Variants in MATN2 observed in about 807,000 individuals in gnomAD.
The protein encoded by MATN2 is matrilin-2.
In MATN2, 69 loss-of-function variants were observed where a neutral mutation model predicts 103.2. The ratio of observed to expected loss-of-function variants is 0.67; its 90% CI spans 0.55 to 0.82. The LOEUF is 0.82. Ranked by LOEUF, MATN2 falls within the 40% of genes least tolerant of loss-of-function variation. MATN2 has a pLI of 0.00. For synonymous variants in MATN2, 429 were observed against 450.2 expected (o/e 0.95, Z 0.60); for missense variants, 1,023 against 1,211.5 (o/e 0.84, Z 2.31).
rs565656768 is a variant in MATN2 at position 98,016,245 on chromosome 8, C to T, written c.1574-295C>T. On this transcript the variant is annotated intron_variant, in intron 10 of 18. Transcript: ENST00000254898. ...AAAATTAGCCTGGTGTGGTGGTGCA[C>T]GCTTGTAGTCCCAGCTATCTGGGAG... Among the ~76,000 whole-genome samples the T allele has an allele frequency of 3.3e-5, 5 of 152,144 alleles. No individual in the cohort carries two copies. The East Asian group carries it at 5.8e-4, about 18-fold the overall frequency.
rs185121226 is a variant in MATN2 at position 97,940,132 on chromosome 8, A to C, written c.713-1645A>C. On this transcript the variant is annotated intron_variant, in intron 3 of 18. Coordinates refer to ENST00000254898, the MANE Select transcript of MATN2 (RefSeq NM_002380.5). ...TGCTATTTTTATTCTCATGTCTTAT[A>C]AAGAAGTTAAGAAAATTGCACAAAG... Among the ~76,000 whole-genome samples, 17 of 152,282 alleles carry C rather than the reference A, an allele frequency of 1.1e-4. No individual in the cohort carries two copies. In the East Asian group the frequency reaches 3.3e-3, roughly 29 times the overall value.
At chr8:98,026,717 C>T (rs1340563764) in intron 13 of MATN2, among the ~76,000 whole-genome samples, 2 of 152,128 alleles carry the variant, frequency 1.3e-5, no homozygotes, top group Non-Finnish European at 2.9e-5. Flanking sequence ...AACACAGTCC[C>T]TGCTGAGGAG....
chr8:98,029,038 T>A (rs1813913745), intron 14 of MATN2, among the ~76,000 whole-genome samples: 1 of 152,254 alleles, frequency 6.6e-6, no homozygotes, highest in Non-Finnish European at 1.5e-5. Context: ...GTGTGACAAC[T>A]ACTTGCTGAG....
rs868438483 is a variant in MATN2 at position 97,994,562 on chromosome 8, G to C, written c.1164G>C (p.Leu388=). The C allele has an allele frequency of 6.2e-7, 1 of 1,613,734 alleles. No homozygotes were observed. Among genetic ancestry groups the C allele is most frequent in the Middle Eastern group, 1.7e-4 (1 of 6,060 alleles). Residue 388 remains leucine (L), a synonymous_variant, in exon 7 of 19, where the codon CTG becomes CTC. Coordinates refer to ENST00000254898, the MANE Select transcript of MATN2 (RefSeq NM_002380.5). ...NTDDSYSCHC[L]KGFTLNPDKK... is the part of the protein sequence containing the mutation. ...ATGATTCCTATTCCTGCCACTGCCT[G>C]AAAGGCTTTACCCTGAATCCAGATA...
chr8:97,925,230 A>G (rs1032323031), intron 2 of MATN2, among the ~76,000 whole-genome samples: 1 of 152,204 alleles, frequency 6.6e-6, no homozygotes, highest in Non-Finnish European at 1.5e-5. Context: ...TAGTGTATGA[A>G]TGGTTGAAGT....
Position 97,981,381 on chromosome 8 carries a change from G to A in MATN2, c.1081+2373G>A, listed in dbSNP as rs370375945. Reference sequence around the variant, plus strand: ...AGCCTCCCAAAGTGCTGGAATTATGGTCATCATGAGCCACCACACCTGGCC... The same window carrying A: ...AGCCTCCCAAAGTGCTGGAATTATGATCATCATGAGCCACCACACCTGGCC... On this transcript the variant is annotated intron_variant, in intron 6 of 18. Transcript: ENST00000254898. Among the ~76,000 whole-genome samples the A allele has an allele frequency of 5.3e-4, 80 of 152,048 alleles. 1 individual carries two copies. In the South Asian group the frequency reaches 0.011, roughly 22 times the overall value.
chr8:98,008,721 C>T (rs2444895), intron 10 of MATN2, among the ~76,000 whole-genome samples: 98,343 of 152,050 alleles, frequency 0.65, 32,568 homozygotes, highest in East Asian at 0.75. Context: ...GTGTGTTGAA[C>T]TGCATCGACA....
intron 15 of MATN2, 75 bp from the exon 16 acceptor site, chr8:98,032,170 TG>T: frequency 8.3e-7 from 1 of 1,211,960 alleles, no homozygotes; most frequent in Non-Finnish European, 1.2e-6. Context: ...GGAGGTGGTC[TG>T]GGACCAGCTT....
At chr8:97,934,517 T>G (rs889251281) in intron 3 of MATN2, among the ~76,000 whole-genome samples, 2 of 152,250 alleles carry the variant, frequency 1.3e-5, no homozygotes, top group Non-Finnish European at 2.9e-5. Flanking sequence ...CATTTGTTCC[T>G]TAAACATTCA....
rs370172576 is a variant in MATN2 at position 98,035,727 on chromosome 8, G to A, written c.*15G>A. On this transcript the variant is annotated 3_prime_UTR_variant, in exon 19 of 19. Transcript: ENST00000254898. ...GATACAGATGAAGATTAGAAATCGC[G>A]ACACATTTGTAGTCATTGTATCACG... 7 of 1,581,448 alleles carry A rather than the reference G, an allele frequency of 4.4e-6. No homozygotes were observed. Among genetic ancestry groups the A allele is most frequent in the Admixed American group, 3.4e-5 (2 of 58,656 alleles).
chr8:97,973,026 C>T (rs1055236775), intron 5 of MATN2, among the ~76,000 whole-genome samples: 1 of 152,206 alleles, frequency 6.6e-6, no homozygotes, highest in Non-Finnish European at 1.5e-5. Flanking sequence ...GTTATGCAAA[C>T]AACCCAAACC....
chr8:97,981,523 A>G (rs542078266), intron 6 of MATN2, among the ~76,000 whole-genome samples: 5 of 152,350 alleles, frequency 3.3e-5, no homozygotes, highest in African/African-American at 1.2e-4. Flanking sequence ...GACCTTAGCC[A>G]TAGCCACACT....
At chr8:97,975,999 G>A (rs908172775) in intron 5 of MATN2, among the ~76,000 whole-genome samples, 6 of 152,282 alleles carry the variant, frequency 3.9e-5, no homozygotes, top group East Asian at 1.9e-4. Flanking sequence ...ATCCAATGAC[G>A]TTGAGATCCT....
intron 6 of MATN2, among the ~76,000 whole-genome samples, chr8:97,979,605 AC>A (rs1402483536): frequency 6.6e-6 from 1 of 152,228 alleles, no homozygotes; most frequent in African/African-American, 2.4e-5. Context: ...ATAACTAGTT[AC>A]AAAAAGATTC....
chr8:97,874,399 T>TCTC (rs1363779180), intron 1 of MATN2, among the ~76,000 whole-genome samples: 2 of 66,476 alleles, frequency 3.0e-5, no homozygotes, highest in African/African-American at 5.9e-5. Flanking sequence ...CTCTTCTTCT[T>TCTC]CTTCTTCTTT....
chr8:97,877,056 A>AG (rs1338820340), intron 1 of MATN2, among the ~76,000 whole-genome samples: 2 of 149,272 alleles, frequency 1.3e-5, no homozygotes, highest in East Asian at 3.9e-4. Context: ...CCCAGGCTGA[A>AG]GCACAGTGGC....
chr8:97,974,942 G>C (rs534671612), intron 5 of MATN2, among the ~76,000 whole-genome samples: 1 of 152,316 alleles, frequency 6.6e-6, no homozygotes, highest in South Asian at 2.1e-4. Context: ...GTCTGGGATG[G>C]AGCCTGAGAA....
intron 6 of MATN2, 25 bp from the exon 7 acceptor site, chr8:97,994,455 T>G (rs981356380): frequency 6.3e-7 from 1 of 1,591,862 alleles, no homozygotes; most frequent in Admixed American, 1.8e-5. Context: ...GGTTTGCCAT[T>G]CTTGTGATTT....
intron 10 of MATN2, among the ~76,000 whole-genome samples, chr8:98,010,949 C>T (rs764426248): frequency 4.6e-5 from 7 of 152,226 alleles, no homozygotes; most frequent in African/African-American, 1.2e-4. Context: ...TTAGTCTACT[C>T]GGGCTCCCAT....
Sources: gnomAD v4.1 joint callset for allele counts (sites outside exome capture counted in the v4.1 genomes callset) on GRCh38, gnomAD v4.1.1 for gene constraint, MANE v1.5 for transcripts, NCBI Gene and HGNC (gene_info 2026-07-23, HGNC 2026-07-21) for gene names.